Variants in TTC39B observed in about 807,000 individuals in gnomAD.
The protein encoded by TTC39B is tetratricopeptide repeat domain 39B.
TTC39B carries 92 observed loss-of-function variants against 96.6 expected under a neutral mutation model. The ratio of observed to expected loss-of-function variants is 0.95; its 90% CI spans 0.80 to 1.13. TTC39B has a LOEUF of 1.13. Among genes scored for constraint, TTC39B ranks in the 50% most tolerant of loss-of-function variants. TTC39B has a pLI of 0.00. For missense variants in TTC39B, 955 were observed against 809.3 expected, an observed-to-expected ratio of 1.18 and a Z score of -2.18; for synonymous variants, 367 against 299.4, an observed-to-expected ratio of 1.23 and a Z score of -2.33.
At chr9:15,218,632 T>TAAAAAAAAAATATATA (rs545882970) in intron 3 of TTC39B, among the ~76,000 whole-genome samples, 1 of 105,110 alleles carries the variant, frequency 9.5e-6, no homozygotes, top group African/African-American at 3.6e-5. Context: ...TTAGTCTATT[T>TAAAAAAAAAATATATA]TAAATATATA....
At chr9:15,195,670 CAAAA>C (rs35318510) in intron 8 of TTC39B, among the ~76,000 whole-genome samples, 10 of 66,318 alleles carry the variant, frequency 1.5e-4, no homozygotes, top group African/African-American at 6.3e-4. Context: ...ACTCCATCTC[CAAAA>C]AAAAAAAAAA....
At chr9:15,206,046 G>C (rs372128953) in intron 6 of TTC39B, among the ~76,000 whole-genome samples, 1 of 152,132 alleles carries the variant, frequency 6.6e-6, no homozygotes, top group African/African-American at 2.4e-5. Context: ...GGGCAGATCA[G>C]GGTTAAGTGA....
At chr9:15,230,000 A>G (rs1821335877) in intron 2 of TTC39B, among the ~76,000 whole-genome samples, 1 of 152,206 alleles carries the variant, frequency 6.6e-6, no homozygotes, top group Non-Finnish European at 1.5e-5. Flanking sequence ...TTGCATCTTC[A>G]CATCTTTACA....
intron 18 of TTC39B, 134 bp from the exon 19 acceptor site, chr9:15,175,269 A>G (rs761083522): frequency 4.8e-6 from 3 of 620,864 alleles, no homozygotes; most frequent in Non-Finnish European, 8.4e-6. Context: ...CGGCCATTGT[A>G]TAGTTATGGA....
intron 9 of TTC39B, 75 bp from the exon 10 acceptor site, chr9:15,191,330 C>T: frequency 2.0e-6 from 2 of 989,002 alleles, no homozygotes; most frequent in South Asian, 1.6e-5. Context: ...TAACAACTTA[C>T]AGTTTTAATG....
intron 8 of TTC39B, among the ~76,000 whole-genome samples, chr9:15,198,617 C>A (rs970684132): frequency 1.3e-5 from 2 of 151,234 alleles, no homozygotes; most frequent in East Asian, 1.9e-4. Flanking sequence ...ACTAGAGCAA[C>A]CACAAAAAAA....
At chr9:15,210,983 A>C (rs1820161465) in intron 5 of TTC39B, among the ~76,000 whole-genome samples, 1 of 152,222 alleles carries the variant, frequency 6.6e-6, no homozygotes, top group Non-Finnish European at 1.5e-5. Context: ...TTTGGCATGC[A>C]GTACCTAATG....
chr9:15,217,444 C>T (rs374854433), intron 3 of TTC39B, among the ~76,000 whole-genome samples: 1 of 152,094 alleles, frequency 6.6e-6, no homozygotes, highest in Admixed American at 6.6e-5. Context: ...TCAGCACCTC[C>T]GAGCACATAA....
intron 2 of TTC39B, among the ~76,000 whole-genome samples, chr9:15,264,056 G>A (rs1367542533): frequency 6.6e-6 from 1 of 152,164 alleles, no homozygotes; most frequent in Non-Finnish European, 1.5e-5. Flanking sequence ...AGAAGTTCTG[G>A]AGGCAATGAA....
At chr9:15,220,136 C>G (rs1820765099) in intron 3 of TTC39B, among the ~76,000 whole-genome samples, 1 of 152,188 alleles carries the variant, frequency 6.6e-6, no homozygotes, top group Non-Finnish European at 1.5e-5. Flanking sequence ...TCTTCAGAGA[C>G]TTTTACTAAT....
chr9:15,200,704 T>A (rs1202716136), intron 7 of TTC39B, among the ~76,000 whole-genome samples: 1 of 152,256 alleles, frequency 6.6e-6, no homozygotes, highest in African/African-American at 2.4e-5. Flanking sequence ...TCTATTGATA[T>A]CAGAAAGATG....
At chr9:15,276,761 C>G (rs886650369) in intron 1 of TTC39B, among the ~76,000 whole-genome samples, 5 of 152,220 alleles carry the variant, frequency 3.3e-5, no homozygotes, top group African/African-American at 1.2e-4. Context: ...TCCAGCCTTT[C>G]AATCCTCTAC....
intron 3 of TTC39B, 98 bp downstream of exon 3, chr9:15,225,819 T>A (rs1026627804): frequency 9.0e-7 from 1 of 1,108,748 alleles, no homozygotes; most frequent in Non-Finnish European, 1.3e-6. Context: ...CATTGGTTTG[T>A]CAAACGCAAT....
At chr9:15,172,952 T>C (rs193066549) in intron 19 of TTC39B, among the ~76,000 whole-genome samples, 1 of 152,296 alleles carries the variant, frequency 6.6e-6, no homozygotes, top group Non-Finnish European at 1.5e-5. Context: ...TTTTCCTAAA[T>C]GCCACCAATG....
At chr9:15,228,901 G>C in intron 2 of TTC39B, among the ~76,000 whole-genome samples, 1 of 152,170 alleles carries the variant, frequency 6.6e-6, no homozygotes, top group Non-Finnish European at 1.5e-5. Flanking sequence ...TCTTTTCTGA[G>C]GTATAAAAGA....
At chr9:15,210,040 T>G in intron 6 of TTC39B, 48 bp downstream of exon 6, 1 of 1,330,172 alleles carries the variant, frequency 7.5e-7, no homozygotes, top group Non-Finnish European at 1.1e-6. Context: ...AGATGATCAT[T>G]TAACTATTAA....
intron 16 of TTC39B, chr9:15,183,440 G>T: frequency 2.8e-6 from 1 of 358,124 alleles, no homozygotes; most frequent in Non-Finnish European, 5.4e-6. Flanking sequence ...ATGAAAAACA[G>T]GCTTTTGGTA....
At chr9:15,187,469 G>A (rs544658586) in intron 14 of TTC39B, among the ~76,000 whole-genome samples, 1 of 152,216 alleles carries the variant, frequency 6.6e-6, no homozygotes, top group Admixed American at 6.5e-5. Context: ...ATAACTCTTT[G>A]TTGTTGTTTG....
At chr9:15,268,655 G>A (rs191494529) in intron 1 of TTC39B, among the ~76,000 whole-genome samples, 3 of 152,036 alleles carry the variant, frequency 2.0e-5, no homozygotes, top group Admixed American at 2.0e-4. Context: ...CCTCATCCAG[G>A]TATCCGGGGT....
Sources: allele counts gnomAD v4.1 joint callset (sites outside exome capture counted in the v4.1 genomes callset), GRCh38; gene constraint gnomAD v4.1.1; transcripts MANE v1.5; gene names NCBI Gene and HGNC (gene_info 2026-07-23, HGNC 2026-07-21).